Variants in ALDH1A2 observed in about 807,000 individuals in gnomAD.
ALDH1A2 encodes retinal dehydrogenase 2.
ALDH1A2 carries 27 observed loss-of-function variants against 60.3 expected under a neutral mutation model. The ratio of observed to expected loss-of-function variants is 0.45; its 90% CI spans 0.33 to 0.62. ALDH1A2 has a LOEUF of 0.62. ALDH1A2 is among the 20% of genes least tolerant of loss of function. The probability of loss-of-function intolerance (pLI) is 0.02; values close to 1 mark genes in which losing one functional copy is unlikely to be tolerated. For missense variants in ALDH1A2, 581 were observed against 643.8 expected (o/e 0.90, Z 1.06); for synonymous variants, 289 against 232.4 (o/e 1.24, Z -2.21).
At chr15:58,031,526 G>A (rs962983552) in intron 1 of ALDH1A2, among the ~76,000 whole-genome samples, 8 of 152,088 alleles carry the variant, frequency 5.3e-5, no homozygotes, top group Non-Finnish European at 1.0e-4. Context: ...GATTTAATTA[G>A]ACTAAAGAGC....
chr15:58,058,570 C>CT (rs1261355760), intron 1 of ALDH1A2, among the ~76,000 whole-genome samples: 14 of 149,202 alleles, frequency 9.4e-5, no homozygotes, highest in African/African-American at 3.5e-4. Flanking sequence ...TAAAATATAA[C>CT]TTTTTAATAT....
intron 1 of ALDH1A2, among the ~76,000 whole-genome samples, chr15:58,065,030 AGCGCTGGTGTCTTGACAATTCCTTAC>A (rs1897138833): frequency 2.0e-5 from 3 of 152,262 alleles, no homozygotes; most frequent in Admixed American, 2.0e-4. Flanking sequence ...AACCGGCCAG[AGCGCTGGTGTCTTGACAATTCCTTAC>A]GGGAAAGCCC....
intron 7 of ALDH1A2, among the ~76,000 whole-genome samples, chr15:57,970,993 C>G (rs1432161275): frequency 2.0e-5 from 3 of 152,182 alleles, no homozygotes; most frequent in East Asian, 1.9e-4. Flanking sequence ...GCACCAGAAA[C>G]AAACAGGACC....
intron 4 of ALDH1A2, among the ~76,000 whole-genome samples, chr15:58,005,787 C>T (rs563422012): frequency 4.3e-4 from 65 of 151,860 alleles, no homozygotes; most frequent in African/African-American, 1.6e-3. Context: ...CTATGAAAGC[C>T]CCCTTTACCC....
At chr15:57,997,103 A>C (rs1895089254) in intron 4 of ALDH1A2, among the ~76,000 whole-genome samples, 1 of 152,054 alleles carries the variant, frequency 6.6e-6, no homozygotes, top group South Asian at 2.1e-4. Flanking sequence ...CTGCAACTGT[A>C]TGAAATTAAT....
At chr15:58,036,875 A>G (rs1354079251) in intron 1 of ALDH1A2, among the ~76,000 whole-genome samples, 1 of 151,686 alleles carries the variant, frequency 6.6e-6, no homozygotes, top group Non-Finnish European at 1.5e-5. Context: ...GGGAAATAAG[A>G]AATAATTAGG....
At chr15:58,044,464 C>T (rs17820966) in intron 1 of ALDH1A2, among the ~76,000 whole-genome samples, 62,658 of 151,824 alleles carry the variant, frequency 0.41, 13,123 homozygotes, top group Non-Finnish European at 0.44. Context: ...ACAAGGAATT[C>T]TGTTTGAGTC....
At chr15:58,004,348 C>T (rs947437543) in intron 4 of ALDH1A2, among the ~76,000 whole-genome samples, 8 of 151,782 alleles carry the variant, frequency 5.3e-5, no homozygotes, top group South Asian at 2.1e-4. Flanking sequence ...ATAGATTCAA[C>T]GGGTTTATGT....
At chr15:58,035,905 C>G (rs1466549675) in intron 1 of ALDH1A2, among the ~76,000 whole-genome samples, 1 of 151,618 alleles carries the variant, frequency 6.6e-6, no homozygotes, top group Non-Finnish European at 1.5e-5. Flanking sequence ...ATTTATTTTA[C>G]TAGTCCCAGA....
At position 58,065,260 on chromosome 15, in the gene ALDH1A2, A is replaced by T. The variant is rs3803451; in HGVS notation, c.117+274T>A. 942 of 469,070 alleles carry T rather than the reference A, an allele frequency of 2.0e-3. 11 individuals carry two copies. Among genetic ancestry groups the T allele is most frequent in the Admixed American group, 0.014 (384 of 28,122 alleles). 29.1% of individuals were successfully genotyped at this position (469,070 alleles called of 1,614,324 possible). On this transcript the variant is annotated intron_variant, in intron 1 of 12. Coordinates refer to ENST00000249750, the MANE Select transcript of ALDH1A2 (RefSeq NM_003888.4). ...GGACCGGGAGAATCGGACAGAAACC[A>T]GCCTCAGAGTCCGGGGCAGGAGCCG...
chr15:57,988,812 A>G (rs1350109941), intron 7 of ALDH1A2, among the ~76,000 whole-genome samples: 11 of 152,222 alleles, frequency 7.2e-5, no homozygotes, highest in Non-Finnish European at 4.4e-5. Context: ...TGGACTCACT[A>G]TGTGGCTTCT....
intron 1 of ALDH1A2, chr15:58,038,531 T>A (rs1896433957): frequency 6.6e-6 from 1 of 151,786 alleles, no homozygotes; most frequent in South Asian, 2.1e-4. Context: ...GTCCCAGAAT[T>A]CCCATATCTG....
chr15:58,001,048 A>AAAC (rs1452022198), intron 4 of ALDH1A2, among the ~76,000 whole-genome samples: 4 of 151,306 alleles, frequency 2.6e-5, no homozygotes, highest in Non-Finnish European at 5.9e-5. Context: ...AAAAAAAAAA[A>AAAC]AAAAAGAATG....
chr15:58,004,338 A>C (rs1159911949), intron 4 of ALDH1A2, among the ~76,000 whole-genome samples: 1 of 151,892 alleles, frequency 6.6e-6, no homozygotes, highest in Admixed American at 6.6e-5. Flanking sequence ...AATTTTTCAA[A>C]TAGATTCAAC....
rs147197925 is a variant in ALDH1A2 at position 57,983,124 on chromosome 15, T to C, written c.798+9581A>G. Among the ~76,000 whole-genome samples, 592 of 152,282 alleles carry C rather than the reference T, an allele frequency of 3.9e-3. 3 individuals are homozygous for C. The highest frequency in any genetic ancestry group is 0.014 in the African/African-American group (565 of 41,548). On this transcript the variant is annotated intron_variant, in intron 7 of 12. Coordinates refer to ENST00000249750, the MANE Select transcript of ALDH1A2 (RefSeq NM_003888.4). ...CTGGTGTTTAAATGACTGTTAAAAG[T>C]ACAACTGCAGGAATGACAACAAAAC... is the stretch of plus-strand genomic sequence containing the variant.
At chr15:57,965,220 C>A (rs576449085) in intron 8 of ALDH1A2, among the ~76,000 whole-genome samples, 7 of 152,226 alleles carry the variant, frequency 4.6e-5, no homozygotes, top group Admixed American at 2.6e-4. Flanking sequence ...CCGAACTGAC[C>A]CACGTGTGCT....
chr15:58,049,154 C>T (rs1896710748), intron 1 of ALDH1A2, among the ~76,000 whole-genome samples: 1 of 152,050 alleles, frequency 6.6e-6, no homozygotes, highest in Non-Finnish European at 1.5e-5. Context: ...TGGTTTGGTT[C>T]TTTTCACTGC....
intron 7 of ALDH1A2, among the ~76,000 whole-genome samples, chr15:57,973,474 T>C (rs1894138480): frequency 6.6e-6 from 1 of 152,212 alleles, no homozygotes; most frequent in Admixed American, 6.5e-5. Context: ...AGCCATGTTC[T>C]AATCCATATT....
At chr15:58,037,505 T>G (rs1451341572) in intron 1 of ALDH1A2, among the ~76,000 whole-genome samples, 2 of 151,722 alleles carry the variant, frequency 1.3e-5, no homozygotes, top group African/African-American at 2.4e-5. Context: ...ATAACTAGCT[T>G]TATTTTTTTT....
Sources: allele counts gnomAD v4.1 joint callset (sites outside exome capture counted in the v4.1 genomes callset), GRCh38; gene constraint gnomAD v4.1.1; transcripts MANE v1.5; gene names NCBI Gene and HGNC (gene_info 2026-07-23, HGNC 2026-07-21).